SPON1: variants seen among roughly 807,000 people sequenced by gnomAD.
SPON1 encodes the protein spondin 1, also known as spondin-1.
Under a neutral mutation model 111.7 loss-of-function variants are expected in SPON1, and 52 were observed. The ratio of observed to expected loss-of-function variants is 0.47; its 90% CI spans 0.37 to 0.59. The LOEUF is 0.59. SPON1 is among the 20% of genes least tolerant of loss of function. The probability of loss-of-function intolerance (pLI) is 0.00; values close to 1 mark genes in which losing one functional copy is unlikely to be tolerated. For synonymous variants in SPON1, 410 were observed against 395.8 expected (o/e 1.04, Z -0.43); for missense variants, 957 against 1,068.5 (o/e 0.90, Z 1.46).
intron 3 of SPON1, among the ~76,000 whole-genome samples, chr11:14,042,645 T>C (rs1211662533): frequency 1.2e-4 from 19 of 152,130 alleles, no homozygotes; most frequent in African/African-American, 4.6e-4. Flanking sequence ...CCAACAGCCT[T>C]TCTCTTTTTT....
intron 6 of SPON1, among the ~76,000 whole-genome samples, chr11:14,184,683 A>G (rs989319826): frequency 6.6e-6 from 1 of 152,124 alleles, no homozygotes; most frequent in Non-Finnish European, 1.5e-5. Flanking sequence ...CTTTCCCCAT[A>G]ACTACTGTGA....
Position 14,255,707 on chromosome 11 carries a change from C to T in SPON1, c.1153C>T (p.Pro385Ser), listed in dbSNP as rs1554941143. 2 of 1,613,872 alleles carry T rather than the reference C, an allele frequency of 1.2e-6. No homozygotes were observed. The highest frequency in any genetic ancestry group is 2.2e-5 in the East Asian group (1 of 44,866). Residue 385 changes from proline to serine, a missense_variant, in exon 9 of 16, where the codon CCT (proline) becomes TCT (serine). Coordinates refer to ENST00000576479, the MANE Select transcript of SPON1 (RefSeq NM_006108.4). The part of the protein sequence containing the change: ...KIRPLTSLDH[P>S]QSPFYDPEGG... ...CCGGCCCCTGACCAGCCTGGACCAT[C>T]CTCAGAGTCCTTTCTATGACCCAGA...
chr11:14,056,628 T>A (rs1848746581), intron 3 of SPON1, among the ~76,000 whole-genome samples: 1 of 152,222 alleles, frequency 6.6e-6, no homozygotes, highest in Non-Finnish European at 1.5e-5. Context: ...GCACGGTGGC[T>A]CATGTAATCC....
chr11:13,982,799 C>CAA, intron 1 of SPON1, 48 bp from the exon 2 acceptor site: 1 of 1,284,768 alleles, frequency 7.8e-7, no homozygotes, highest in Non-Finnish European at 1.1e-6. Context: ...GACAAATGGA[C>CAA]AATAATTGAT....
At position 13,991,860 on chromosome 11, in the gene SPON1, A is replaced by C. The variant is rs575174173; in HGVS notation, c.345+8907A>C. Among the ~76,000 whole-genome samples, 4 of 152,098 alleles carry C rather than the reference A, an allele frequency of 2.6e-5. No homozygotes were observed. The South Asian group carries it at 6.2e-4, about 24-fold the overall frequency. The stretch of plus-strand genomic sequence containing the variant: ...GGAGTTTGCTGGAGGTCCACTCCTG[A>C]CCCTGTTTGCCTGGGTATCACCAGT... On this transcript the variant is annotated intron_variant, in intron 2 of 15. Coordinates refer to ENST00000576479, the MANE Select transcript of SPON1 (RefSeq NM_006108.4).
At chr11:14,118,428 T>G (rs1849281720) in intron 5 of SPON1, among the ~76,000 whole-genome samples, 1 of 152,234 alleles carries the variant, frequency 6.6e-6, no homozygotes, top group Admixed American at 6.5e-5. Flanking sequence ...TAATAAACCA[T>G]CAACCAGCCT....
At chr11:14,161,201 TTATATATTTATATATATCTA>T (rs1564920114) in intron 6 of SPON1, among the ~76,000 whole-genome samples, 4 of 28,660 alleles carry the variant, frequency 1.4e-4, no homozygotes, top group Non-Finnish European at 3.8e-4. Flanking sequence ...CTATATATAT[TTATATATTTATATATATCTA>T]TATATATTTA....
At chr11:14,163,668 G>A (rs1847993356) in intron 6 of SPON1, among the ~76,000 whole-genome samples, 1 of 152,056 alleles carries the variant, frequency 6.6e-6, no homozygotes, top group Non-Finnish European at 1.5e-5. Context: ...GGAGACATGG[G>A]GTGAGAGAAA....
chr11:14,166,133 C>A (rs1848027074), intron 6 of SPON1, among the ~76,000 whole-genome samples: 1 of 152,176 alleles, frequency 6.6e-6, no homozygotes, highest in African/African-American at 2.4e-5. Flanking sequence ...TTAATTGGCT[C>A]TATAAGTCAA....
intron 6 of SPON1, among the ~76,000 whole-genome samples, chr11:14,217,182 T>C (rs1166128570): frequency 3.9e-5 from 6 of 152,218 alleles, no homozygotes; most frequent in Non-Finnish European, 1.5e-5. Context: ...GTATCAGAGC[T>C]AATGCTTCCG....
chr11:14,255,764 G>T lies in SPON1; in HGVS notation c.1210G>T (p.Val404Phe). The T allele has an allele frequency of 1.2e-6, 2 of 1,613,864 alleles. No homozygotes were observed. The highest frequency in any genetic ancestry group is 1.7e-6 in the Non-Finnish European group (2 of 1,179,878). The change falls in exon 9 of 16, where the codon GTC becomes TTC. Residue 404 changes from valine to phenylalanine, a missense_variant. By Grantham distance (50) the Val-to-Phe change is conservative. This residue lies in a region of SPON1 where 549 missense variants were observed against 606.2 expected (regional missense o/e 0.91). Transcript: ENST00000576479. The stretch of plus-strand genomic sequence containing the variant: ...GTCCATCACTCAAGTAGCCAGAGTT[G>T]TCATCGAGAGAATCGCACGGAAGGT... ...GGSITQVARV[V>F]IERIARKGEQ...
chr11:14,002,041 A>G (rs1848322951), intron 2 of SPON1, among the ~76,000 whole-genome samples: 1 of 152,172 alleles, frequency 6.6e-6, no homozygotes, highest in Admixed American at 6.6e-5. Context: ...CAGGCACAGG[A>G]GGGAGGACAT....
chr11:13,992,882 A>G (rs555691214), intron 2 of SPON1, among the ~76,000 whole-genome samples: 4 of 151,920 alleles, frequency 2.6e-5, no homozygotes, highest in Non-Finnish European at 4.4e-5. Flanking sequence ...TGTGGGCTGC[A>G]CCCACTGTCC....
At chr11:14,207,204 C>A (rs1848526842) in intron 6 of SPON1, among the ~76,000 whole-genome samples, 1 of 152,166 alleles carries the variant, frequency 6.6e-6, no homozygotes, top group Non-Finnish European at 1.5e-5. Context: ...TGAAACTGGA[C>A]CTCTTCATTA....
At chr11:14,100,317 T>C (rs1554924272) in intron 5 of SPON1, among the ~76,000 whole-genome samples, 1 of 152,200 alleles carries the variant, frequency 6.6e-6, no homozygotes, top group African/African-American at 2.4e-5. Flanking sequence ...CCCATATTTA[T>C]TGTGATTACT....
chr11:14,177,316 G>A (rs984981516), intron 6 of SPON1, among the ~76,000 whole-genome samples: 6 of 151,840 alleles, frequency 4.0e-5, no homozygotes, highest in African/African-American at 7.2e-5. Context: ...CTGGGATTAC[G>A]GTCATGAACC....
At chr11:14,177,666 C>G (rs1335738587) in intron 6 of SPON1, among the ~76,000 whole-genome samples, 1 of 152,202 alleles carries the variant, frequency 6.6e-6, no homozygotes, top group Non-Finnish European at 1.5e-5. Context: ...AATCTAGTCC[C>G]TGGCCGTCCC....
In SPON1 at chr11:14,155,774, G is replaced by C. The variant is rs531473068; in HGVS notation, c.825+20206G>C. ...TGTTTGGTTTTTTGTTCTTGCGATA[G>C]TTTACTGAGAATAATGATTTCCAAT... On this transcript the variant is annotated intron_variant, in intron 6 of 15. Transcript: ENST00000576479. Among the ~76,000 whole-genome samples, 590 of 125,202 alleles carry C rather than the reference G, an allele frequency of 4.7e-3. 97 individuals carry two copies. The highest frequency in any genetic ancestry group is 8.3e-3 in the Non-Finnish European group (458 of 55,434). The allele number at this position is 125,202 out of a possible 152,430, so 82.1% of individuals were successfully genotyped here.
Position 14,055,646 on chromosome 11 carries a change from G to A in SPON1, c.479+13992G>A, listed in dbSNP as rs550610461. Among the ~76,000 whole-genome samples the A allele has an allele frequency of 4.6e-5, 7 of 152,292 alleles. No individual in the cohort carries two copies. The East Asian group carries it at 1.4e-3, about 29-fold the overall frequency. On this transcript the variant is annotated intron_variant, in intron 3 of 15. Transcript: ENST00000576479. ...TTGCCACCTTGGCCATCCACCTGGG[G>A]CTAGGCTCTGGATCTGTTCCGTGGG... is the stretch of plus-strand genomic sequence containing the variant.
Sources: allele counts gnomAD v4.1 joint callset (sites outside exome capture counted in the v4.1 genomes callset), GRCh38; gene constraint gnomAD v4.1.1; regional missense constraint gnomAD v4.1.1; transcripts MANE v1.5; gene names NCBI Gene and HGNC (gene_info 2026-07-23, HGNC 2026-07-21).